DAB1: variants seen among roughly 807,000 people sequenced by gnomAD.
The protein encoded by DAB1 is disabled homolog 1.
Under a neutral mutation model 64.6 loss-of-function variants are expected in DAB1, and 15 were observed. That is an observed-to-expected ratio of 0.23 (90% CI 0.16 to 0.36). The LOEUF is 0.36. Ranked by LOEUF, DAB1 falls within the 10% of genes least tolerant of loss-of-function variation. The pLI is 1.00. For missense variants in DAB1, 596 were observed against 706.7 expected (o/e 0.84, Z 1.78); for synonymous variants, 235 against 251.9 (o/e 0.93, Z 0.64).
intron 5 of DAB1, among the ~76,000 whole-genome samples, chr1:58,044,218 G>A (rs140971176): frequency 6.6e-6 from 1 of 152,156 alleles, no homozygotes; most frequent in Non-Finnish European, 1.5e-5. Flanking sequence ...GAGGGACAGG[G>A]CATTTTTACC....
chr1:57,371,719 T>G (rs1680511279), intron 1 of DAB1, among the ~76,000 whole-genome samples: 1 of 152,208 alleles, frequency 6.6e-6, no homozygotes. Context: ...TTTTAAACTC[T>G]CAGAGATTCA....
chr1:58,087,864 C>A (rs910229152), intron 5 of DAB1, among the ~76,000 whole-genome samples: 23 of 152,324 alleles, frequency 1.5e-4, no homozygotes, highest in Non-Finnish European at 2.6e-4. Flanking sequence ...TTTCTACATT[C>A]ATCATTCATT....
chr1:58,186,355 C>T (rs1393078584), intron 4 of DAB1, among the ~76,000 whole-genome samples: 1 of 152,126 alleles, frequency 6.6e-6, no homozygotes, highest in Non-Finnish European at 1.5e-5. Context: ...TTTTGTGAGC[C>T]AATTCGTACT....
chr1:58,300,634 GAGAGAGAGAGAGAGGA>G (rs1402595806), intron 4 of DAB1, among the ~76,000 whole-genome samples: 161 of 64,358 alleles, frequency 2.5e-3, no homozygotes, highest in African/African-American at 7.7e-3. Flanking sequence ...GAGAGAGAGA[GAGAGAGAGAGAGAGGA>G]AGGAAGGAAG....
chr1:57,541,274 G>A (rs576993128), intron 7 of DAB1, among the ~76,000 whole-genome samples: 32 of 151,972 alleles, frequency 2.1e-4, no homozygotes, highest in Non-Finnish European at 3.5e-4. Context: ...GACTACAGGC[G>A]CCTGCCACCA....
intron 4 of DAB1, among the ~76,000 whole-genome samples, chr1:57,081,928 C>T (rs1570655906): frequency 6.6e-6 from 1 of 152,044 alleles, no homozygotes; most frequent in Admixed American, 6.6e-5. Flanking sequence ...ACTTTAAAAA[C>T]TTAAGAAATA....
Position 57,226,663 on chromosome 1 carries a change from T to TAAAAAA in DAB1, c.67+64295_67+64300dup, listed in dbSNP as rs71713506. ...TCAGATCCTGTCACTCAAAAGTGGT[T>TAAAAAA]AAAAAAAAAATATATATATATATAT... On this transcript the variant is annotated intron_variant, in intron 2 of 14. Coordinates refer to ENST00000371236, the MANE Select transcript of DAB1 (RefSeq NM_001365792.1). Among the ~76,000 whole-genome samples, 196 of 120,970 alleles carry TAAAAAA rather than the reference T, an allele frequency of 1.6e-3. 2 individuals carry two copies. The highest frequency in any genetic ancestry group is 6.5e-3 in the African/African-American group (184 of 28,302). The allele number at this position is 120,970 out of a possible 152,430, so 79.4% of individuals were successfully genotyped here.
intron 5 of DAB1, among the ~76,000 whole-genome samples, chr1:58,110,090 C>A (rs1393790573): frequency 2.0e-5 from 3 of 152,164 alleles, no homozygotes. Context: ...TTGTTGGTAG[C>A]CATTCTTCTC....
At chr1:58,171,380 G>A (rs1436306254) in intron 4 of DAB1, among the ~76,000 whole-genome samples, 1 of 152,238 alleles carries the variant, frequency 6.6e-6, no homozygotes, top group Non-Finnish European at 1.5e-5. Context: ...TCAAGGCTTA[G>A]TAAGGAAATG....
intron 5 of DAB1, among the ~76,000 whole-genome samples, chr1:57,927,769 C>T (rs1202777): frequency 0.18 from 26,847 of 152,076 alleles, 3,132 homozygotes; most frequent in African/African-American, 0.33. Flanking sequence ...CCATTATAAT[C>T]ATCTCTTTGT....
intron 7 of DAB1, among the ~76,000 whole-genome samples, chr1:57,633,462 G>C (rs1265652762): frequency 6.6e-6 from 1 of 152,202 alleles, no homozygotes; most frequent in Admixed American, 6.5e-5. Flanking sequence ...TGGGCAAGTG[G>C]ATTGCAAGGG....
chr1:58,326,092 C>T (rs1406475226), intron 4 of DAB1, among the ~76,000 whole-genome samples: 2 of 152,170 alleles, frequency 1.3e-5, no homozygotes, highest in African/African-American at 4.8e-5. Flanking sequence ...TTCGTAATTA[C>T]GTGCTTCTCC....
intron 1 of DAB1, among the ~76,000 whole-genome samples, chr1:57,306,510 AG>A (rs1209790652): frequency 6.9e-6 from 1 of 143,910 alleles, no homozygotes; most frequent in Non-Finnish European, 1.5e-5. Context: ...CTCTTAGAAC[AG>A]GCTTTTTTTT....
chr1:57,701,540 A>G (rs938475419), intron 6 of DAB1, among the ~76,000 whole-genome samples: 1 of 151,456 alleles, frequency 6.6e-6, no homozygotes, highest in Non-Finnish European at 1.5e-5. Context: ...AACATCACAC[A>G]CCAGGGGTAG....
At chr1:57,367,754 G>A (rs535578222) in intron 1 of DAB1, among the ~76,000 whole-genome samples, 18 of 152,268 alleles carry the variant, frequency 1.2e-4, no homozygotes, top group Middle Eastern at 3.4e-3. Context: ...GGTGGGGCAG[G>A]AACTCCCCAC....
intron 1 of DAB1, among the ~76,000 whole-genome samples, chr1:57,883,340 T>C (rs1406976626): frequency 6.6e-6 from 1 of 152,208 alleles, no homozygotes; most frequent in Non-Finnish European, 1.5e-5. Context: ...GGGTGAATAA[T>C]TGTTCCATAA....
intron 3 of DAB1, among the ~76,000 whole-genome samples, chr1:58,442,133 G>A (rs998752066): frequency 6.6e-6 from 1 of 152,206 alleles, no homozygotes; most frequent in African/African-American, 2.4e-5. Context: ...GCGTGTGTGT[G>A]CATGTATGTG....
rs72922509 is a variant in DAB1, at chr1:57,961,325, T to G, written n.388-77163A>C. On this transcript the variant is annotated intron_variant and non_coding_transcript_variant, in intron 5 of 20. Coordinates refer to the DAB1 transcript ENST00000485760. ...TATAGATTATATATGTATATGTGTATATCGTACTGTGGAAAGCTCTTAACC... is the reference window on the plus strand; with the variant it reads ...TATAGATTATATATGTATATGTGTAGATCGTACTGTGGAAAGCTCTTAACC... Among the ~76,000 whole-genome samples the G allele has an allele frequency of 2.5e-3, 386 of 152,318 alleles. 1 individual carries two copies. Among genetic ancestry groups the G allele is most frequent in the African/African-American group, 9.0e-3 (374 of 41,568 alleles).
intron 9 of DAB1, among the ~76,000 whole-genome samples, chr1:57,045,751 G>C (rs1648396827): frequency 6.6e-6 from 1 of 152,002 alleles, no homozygotes; most frequent in African/African-American, 2.4e-5. Context: ...CCTGAGTATT[G>C]GGCTGACAGC....
Sources: gnomAD v4.1 joint callset for allele counts (sites outside exome capture counted in the v4.1 genomes callset) on GRCh38, gnomAD v4.1.1 for gene constraint, MANE v1.5 for transcripts, NCBI Gene and HGNC (gene_info 2026-07-23, HGNC 2026-07-21) for gene names.